Variants in HPSE2 observed in about 807,000 individuals in gnomAD.
HPSE2 encodes heparanase 2 (inactive).
In HPSE2, 38 loss-of-function variants were observed where a neutral mutation model predicts 60.5. The observed-to-expected ratio is 0.63, with a 90% confidence interval of 0.48 to 0.82. The LOEUF (loss-of-function observed/expected upper bound fraction) is 0.82. Ranked by LOEUF, HPSE2 falls within the 40% of genes least tolerant of loss-of-function variation. The pLI is 0.00. For synonymous variants in HPSE2, 295 were observed against 293.2 expected (o/e 1.01, Z -0.06); for missense variants, 713 against 740.4 (o/e 0.96, Z 0.43).
the HPSE2 span, among the ~76,000 whole-genome samples, chr10:99,308,071 A>G: frequency 1.3e-5 from 2 of 152,052 alleles, no homozygotes; most frequent in Admixed American, 1.3e-4. Flanking sequence ...GTTCAAAGCA[A>G]CATTATTCAA....
At chr10:98,956,953 A>G (rs1955524905) in intron 3 of HPSE2, among the ~76,000 whole-genome samples, 1 of 152,218 alleles carries the variant, frequency 6.6e-6, no homozygotes. Context: ...CTTAGGAATC[A>G]CAAGAAAGCC....
intron 9 of HPSE2, among the ~76,000 whole-genome samples, chr10:98,607,999 G>A (rs1303721375): frequency 1.3e-5 from 2 of 152,044 alleles, no homozygotes; most frequent in Non-Finnish European, 1.5e-5. Flanking sequence ...TTTACTATGT[G>A]GTAAAAGATA....
intron 3 of HPSE2, among the ~76,000 whole-genome samples, chr10:99,047,096 C>T (rs1957873410): frequency 6.6e-6 from 1 of 152,110 alleles, no homozygotes; most frequent in African/African-American, 2.4e-5. Flanking sequence ...GTAACCAAAA[C>T]AGCATGGAAC....
intron 3 of HPSE2, among the ~76,000 whole-genome samples, chr10:99,053,788 G>A (rs577576256): frequency 3.5e-4 from 48 of 135,258 alleles, no homozygotes; most frequent in African/African-American, 1.3e-3. Flanking sequence ...GAGTGCAGTG[G>A]TACAATCTTG....
At chr10:98,570,543 T>G (rs1944466422) in intron 9 of HPSE2, among the ~76,000 whole-genome samples, 1 of 152,004 alleles carries the variant, frequency 6.6e-6, no homozygotes. Context: ...GGGGACTGTA[T>G]TTTTTCCCTT....
At chr10:98,462,508 T>G (rs1940339321) in intron 11 of HPSE2, among the ~76,000 whole-genome samples, 1 of 152,224 alleles carries the variant, frequency 6.6e-6, no homozygotes, top group South Asian at 2.1e-4. Context: ...AATGTCACTG[T>G]GGACAGATGC....
intron 8 of HPSE2, among the ~76,000 whole-genome samples, chr10:98,618,856 C>T (rs2133982844): frequency 6.6e-6 from 1 of 152,258 alleles, no homozygotes; most frequent in Non-Finnish European, 1.5e-5. Flanking sequence ...GGATTACAGG[C>T]GTGAGCCACG....
chr10:98,585,242 CTTCT>C (rs1437649783), intron 9 of HPSE2, among the ~76,000 whole-genome samples: 1 of 150,176 alleles, frequency 6.7e-6, no homozygotes, highest in East Asian at 2.0e-4. Context: ...ACCAAAAGCG[CTTCT>C]TTATTTTAAA....
intron 3 of HPSE2, among the ~76,000 whole-genome samples, chr10:98,845,918 G>A (rs1005089110): frequency 2.6e-5 from 4 of 152,192 alleles, no homozygotes; most frequent in African/African-American, 9.7e-5. Context: ...ACCAGTAGTG[G>A]TGTCTCCCAA....
chr10:98,534,004 G>C (rs1010256242), intron 9 of HPSE2, among the ~76,000 whole-genome samples: 8 of 152,170 alleles, frequency 5.3e-5, no homozygotes, highest in Non-Finnish European at 8.8e-5. Flanking sequence ...AAGAAAAGGA[G>C]GCTGGGAGAT....
intron 3 of HPSE2, among the ~76,000 whole-genome samples, chr10:98,768,829 A>T (rs1297655454): frequency 6.6e-6 from 1 of 152,116 alleles, no homozygotes; most frequent in Non-Finnish European, 1.5e-5. Flanking sequence ...AGGCAGGTGG[A>T]TACTTGAGGT....
intron 6 of HPSE2, among the ~76,000 whole-genome samples, chr10:98,674,247 T>G (rs1329060578): frequency 6.6e-6 from 1 of 152,260 alleles, no homozygotes; most frequent in Non-Finnish European, 1.5e-5. Context: ...CAAGAACTTC[T>G]ATTTCTCTGA....
intron 3 of HPSE2, among the ~76,000 whole-genome samples, chr10:98,935,454 T>A (rs1954761188): frequency 6.9e-6 from 1 of 143,938 alleles, no homozygotes. Flanking sequence ...GCTGACAACC[T>A]TTGGATAGGG....
At chr10:98,883,981 T>C (rs1489806623) in intron 3 of HPSE2, among the ~76,000 whole-genome samples, 1 of 152,094 alleles carries the variant, frequency 6.6e-6, no homozygotes, top group Non-Finnish European at 1.5e-5. Flanking sequence ...AGCCAACTTG[T>C]TAATGTAAAG....
At chr10:98,581,755 T>C (rs974396428) in intron 9 of HPSE2, among the ~76,000 whole-genome samples, 6 of 152,210 alleles carry the variant, frequency 3.9e-5, no homozygotes, top group African/African-American at 1.4e-4. Context: ...TGCCAACAAT[T>C]CTAAACGTTG....
the HPSE2 span, among the ~76,000 whole-genome samples, chr10:99,266,541 G>A: frequency 6.6e-6 from 1 of 151,974 alleles, no homozygotes; most frequent in Admixed American, 6.5e-5. Context: ...CTGCCCCCAC[G>A]TGATGGTCTT....
intron 7 of HPSE2, among the ~76,000 whole-genome samples, chr10:98,621,139 C>T (rs1946063598): frequency 6.6e-6 from 1 of 152,010 alleles, no homozygotes; most frequent in Non-Finnish European, 1.5e-5. Context: ...GCATCAAAAG[C>T]CACAAATCAC....
rs185380824 is a variant in HPSE2 at position 98,705,466 on chromosome 10, T to C, written c.957-11519A>G. Reference sequence around the variant, plus strand: ...GAAGACATATGCACATGTATGTTTATTGTAGCACTATTTACAATAGCAAAG... The same window carrying C: ...GAAGACATATGCACATGTATGTTTACTGTAGCACTATTTACAATAGCAAAG... On this transcript the variant is annotated intron_variant, in intron 5 of 11. Transcript: ENST00000370552. Among the ~76,000 whole-genome samples, 216 of 152,330 alleles carry C rather than the reference T, an allele frequency of 1.4e-3. 3 individuals are homozygous for C. Among genetic ancestry groups the C allele is most frequent in the African/African-American group, 4.9e-3 (204 of 41,566 alleles).
At chr10:99,106,013 T>C (rs1176819901) in intron 3 of HPSE2, among the ~76,000 whole-genome samples, 2 of 152,148 alleles carry the variant, frequency 1.3e-5, no homozygotes, top group Non-Finnish European at 2.9e-5. Flanking sequence ...ATTATAGTAT[T>C]ACAAAATGTT....
Sources: allele counts gnomAD v4.1 joint callset (sites outside exome capture counted in the v4.1 genomes callset), GRCh38; gene constraint gnomAD v4.1.1; transcripts MANE v1.5; gene names NCBI Gene and HGNC (gene_info 2026-07-23, HGNC 2026-07-21).